Variants in SGPP1 observed in about 807,000 individuals in gnomAD.
The protein encoded by SGPP1 is hSPP1.
A neutral mutation model predicts 33.0 loss-of-function variants in SGPP1; 21 were observed. The ratio of observed to expected loss-of-function variants is 0.64; its 90% confidence interval spans 0.45 to 0.92. The LOEUF (loss-of-function observed/expected upper bound fraction) is 0.92. Ranked by LOEUF, SGPP1 falls within the 40% of genes least tolerant of loss-of-function variation. The pLI, the probability that SGPP1 is intolerant of heterozygous loss-of-function variation, is 0.00. For missense variants in SGPP1, 543 were observed against 589.4 expected (o/e 0.92, Z 0.81); for synonymous variants, 239 against 241.2 (o/e 0.99, Z 0.08).
chr14:63,710,524 A>G (rs1362809836), intron 1 of SGPP1, among the ~76,000 whole-genome samples: 1 of 152,260 alleles, frequency 6.6e-6, no homozygotes, highest in African/African-American at 2.4e-5. Context: ...AAAAGGATAG[A>G]CAGCGTCTCA....
At chr14:63,696,232 G>A (rs1421672024) in intron 2 of SGPP1, among the ~76,000 whole-genome samples, 3 of 150,234 alleles carry the variant, frequency 2.0e-5, no homozygotes, top group Non-Finnish European at 3.0e-5. Flanking sequence ...CTGAGATCAC[G>A]CCTCTGCACT....
chr14:63,689,249 A>G (rs1484643962), intron 2 of SGPP1, among the ~76,000 whole-genome samples: 1 of 152,092 alleles, frequency 6.6e-6, no homozygotes, highest in African/African-American at 2.4e-5. Flanking sequence ...ATCACTCTGC[A>G]TTCCTCCCTG....
intron 1 of SGPP1, among the ~76,000 whole-genome samples, chr14:63,705,165 C>T (rs1247193889): frequency 1.3e-5 from 2 of 148,960 alleles, no homozygotes; most frequent in African/African-American, 5.0e-5. Context: ...CACTCATGTA[C>T]ATCAAAGGAA....
rs768366458 is a variant in SGPP1 at position 63,686,663 on chromosome 14, A to C, written c.775-7T>G. 19 of 1,567,524 alleles carry C rather than the reference A, an allele frequency of 1.2e-5. No homozygotes were observed. The highest frequency in any genetic ancestry group is 1.6e-5 in the Non-Finnish European group (18 of 1,147,054). On this transcript the variant is annotated splice_region_variant and splice_polypyrimidine_tract_variant and intron_variant, in intron 2 of 2. Coordinates refer to ENST00000247225, the MANE Select transcript of SGPP1 (RefSeq NM_030791.4). Reference sequence around the variant, plus strand: ...GGAATCCAGCAATAATATCCTAGGAAAAGATAAAAGTATCGTTGTTTAGTA... The same window carrying C: ...GGAATCCAGCAATAATATCCTAGGACAAGATAAAAGTATCGTTGTTTAGTA...
Position 63,686,154 on chromosome 14 carries a change from G to C in SGPP1, c.1277C>G (p.Ser426Cys), listed in dbSNP as rs976945738. 6.2e-7 allele frequency: 1 copy of C among 1,609,806 alleles called. No individual in the cohort carries two copies. The highest frequency in any genetic ancestry group is 8.5e-7 in the Non-Finnish European group (1 of 1,178,434). Residue 426 changes from serine to cysteine, a missense_variant, in exon 3 of 3, where the codon TCC (serine) becomes TGC (cysteine). Transcript: ENST00000247225. The part of the protein sequence containing the change: ...RYITYGMVGF[S>C]ITFFVPYIFF... ...TATGTAAGGAACAAAAAATGTGATG[G>C]AGAAACCAACCATTCCATAGGTAAT...
At chr14:63,711,546 A>C (rs1271888650) in intron 1 of SGPP1, among the ~76,000 whole-genome samples, 1 of 152,162 alleles carries the variant, frequency 6.6e-6, no homozygotes, top group African/African-American at 2.4e-5. Context: ...TCAAGTCTGA[A>C]ACCATTCTGT....
chr14:63,697,236 C>T (rs1040820682), intron 2 of SGPP1, among the ~76,000 whole-genome samples: 2 of 152,128 alleles, frequency 1.3e-5, no homozygotes, highest in African/African-American at 4.8e-5. Context: ...CACACACTGC[C>T]TCCCAACAAA....
chr14:63,704,742 A>G (rs1885370925), intron 1 of SGPP1, among the ~76,000 whole-genome samples: 1 of 152,216 alleles, frequency 6.6e-6, no homozygotes, highest in Non-Finnish European at 1.5e-5. Context: ...ATAAATCTTT[A>G]TGACTCTGGA....
intron 2 of SGPP1, among the ~76,000 whole-genome samples, chr14:63,695,777 A>C (rs1233713573): frequency 3.3e-5 from 5 of 152,108 alleles, no homozygotes; most frequent in African/African-American, 1.2e-4. Flanking sequence ...TGGGCATTAT[A>C]GTACATGTTT....
intron 2 of SGPP1, among the ~76,000 whole-genome samples, chr14:63,696,748 G>A (rs1885195395): frequency 6.6e-6 from 1 of 152,162 alleles, no homozygotes; most frequent in African/African-American, 2.4e-5. Context: ...CACTTTGGGA[G>A]GCCAAGGCAG....
intron 1 of SGPP1, among the ~76,000 whole-genome samples, chr14:63,707,809 C>G (rs1053874269): frequency 6.6e-6 from 1 of 152,080 alleles, no homozygotes; most frequent in Admixed American, 6.6e-5. Flanking sequence ...CTCCAGAAAA[C>G]TTCTCCAGTG....
chr14:63,690,686 T>G (rs1308749073), intron 2 of SGPP1, among the ~76,000 whole-genome samples: 1 of 152,222 alleles, frequency 6.6e-6, no homozygotes, highest in African/African-American at 2.4e-5. Flanking sequence ...AATGATGTAC[T>G]ACATGATAGA....
intron 2 of SGPP1, among the ~76,000 whole-genome samples, chr14:63,694,241 T>C (rs1393073372): frequency 2.0e-5 from 3 of 150,200 alleles, no homozygotes; most frequent in Non-Finnish European, 3.0e-5. Context: ...GCCACTGCAC[T>C]CCAGCCTGGG....
intron 1 of SGPP1, among the ~76,000 whole-genome samples, chr14:63,714,740 A>G (rs1885584803): frequency 7.1e-6 from 1 of 140,610 alleles, no homozygotes; most frequent in South Asian, 2.3e-4. Context: ...TTCTATTTTT[A>G]TTTATTTTTT....
At chr14:63,687,577 G>A (rs1035232224) in intron 2 of SGPP1, among the ~76,000 whole-genome samples, 1 of 152,204 alleles carries the variant, frequency 6.6e-6, no homozygotes, top group African/African-American at 2.4e-5. Flanking sequence ...GTCTGAGGGT[G>A]GTGACAGTTG....
chr14:63,707,129 C>T (rs1470466115), intron 1 of SGPP1, among the ~76,000 whole-genome samples: 1 of 150,806 alleles, frequency 6.6e-6, no homozygotes, highest in Non-Finnish European at 1.5e-5. Flanking sequence ...CATTCTCAAT[C>T]TACGGTTTTG....
rs1195968800 is a variant in SGPP1 at position 63,688,342 on chromosome 14, AAT to A, written c.775-1688_775-1687del. On this transcript the variant is annotated intron_variant, in intron 2 of 2. Coordinates refer to ENST00000247225, the MANE Select transcript of SGPP1 (RefSeq NM_030791.4). ...AAAAAAAAAAAAAAAAAAAAAAAAA[AAT>A]TTTAAAAGAATTGACAACTGTAACT... Among the ~76,000 whole-genome samples, 364 of 147,364 alleles carry A rather than the reference AAT, an allele frequency of 2.5e-3. 6 individuals carry two copies. The highest frequency in any genetic ancestry group is 9.1e-3 in the African/African-American group (346 of 38,072).
In SGPP1 at chr14:63,686,194, G is replaced by C. The variant is rs1884968515; in HGVS notation, c.1237C>G (p.Leu413Val). Residue 413 changes from leucine to valine, a missense_variant, in exon 3 of 3, where the codon CTT becomes GTT. Leu to Val is a conservative substitution (Grantham distance 32). Transcript: ENST00000247225. ...CCATAGGTAATATACCGATAAGGAA[G>C]TTCAACTTCCATGTGCTGTCTTGCT... ...RKARQHMEVE[L>V]PYRYITYGMV... 1 of 1,613,922 alleles carries C rather than the reference G, an allele frequency of 6.2e-7. No individual in the cohort carries two copies. Among genetic ancestry groups the C allele is most frequent in the Admixed American group, 1.7e-5 (1 of 59,998 alleles).
In SGPP1 at chr14:63,698,202, G is replaced by T. The variant is rs561894785; in HGVS notation, c.774+367C>A. Among the ~76,000 whole-genome samples the T allele has an allele frequency of 1.4e-4, 22 of 152,328 alleles. No homozygotes were observed. In the East Asian group the frequency reaches 3.5e-3, roughly 24 times the overall value. ...AAGTTCACATAGTTTCTAGTCACTA[G>T]TTCTTCAACAATACTTAGGAGCTCT... On this transcript the variant is annotated intron_variant, in intron 2 of 2. Coordinates refer to ENST00000247225, the MANE Select transcript of SGPP1 (RefSeq NM_030791.4).
Sources: gnomAD v4.1 joint callset for allele counts (sites outside exome capture counted in the v4.1 genomes callset) on GRCh38, gnomAD v4.1.1 for gene constraint, MANE v1.5 for transcripts, NCBI Gene and HGNC (gene_info 2026-07-23, HGNC 2026-07-21) for gene names.